The following USP54 variants were observed in gnomAD, a reference collection of about 807,000 sequenced individuals.
USP54 encodes the protein ubiquitin carboxyl-terminal hydrolase 54.
USP54 carries 87 observed loss-of-function variants against 170.5 expected under a neutral mutation model. That is an observed-to-expected ratio of 0.51 (90% confidence interval 0.43 to 0.61). The LOEUF (loss-of-function observed/expected upper bound fraction) is 0.61. Ranked by LOEUF, USP54 falls within the 20% of genes least tolerant of loss-of-function variation. The pLI, the probability that USP54 is intolerant of heterozygous loss-of-function variation, is 0.00. For synonymous variants in USP54, 655 were observed against 742.8 expected (o/e 0.88, Z 1.92); for missense variants, 1,786 against 2,047.8 (o/e 0.87, Z 2.47).
chr10:73,598,283 T>C (rs757701191), intron 1 of USP54, among the ~76,000 whole-genome samples: 3 of 152,108 alleles, frequency 2.0e-5, no homozygotes, highest in Non-Finnish European at 4.4e-5. Context: ...ATATCCCCCA[T>C]ATGCAAGAGA....
chr10:73,542,920 C>T, intron 6 of USP54, 35 bp from the exon 7 acceptor site: 1 of 1,613,332 alleles, frequency 6.2e-7, no homozygotes, highest in East Asian at 2.2e-5. Flanking sequence ...ACCAAGCAAC[C>T]ATAATCAGGA....
intron 4 of USP54, among the ~76,000 whole-genome samples, chr10:73,564,901 C>T (rs1455084504): frequency 1.5e-5 from 1 of 66,460 alleles, no homozygotes. Context: ...TCATCTCTAC[C>T]AAAAAAAAAA....
At chr10:73,563,928 T>A (rs1479422859) in intron 4 of USP54, among the ~76,000 whole-genome samples, 1 of 152,164 alleles carries the variant, frequency 6.6e-6, no homozygotes. Flanking sequence ...TTTTTTTTCA[T>A]GTCTTATTTA....
At chr10:73,568,077 C>T (rs1019287615) in intron 4 of USP54, among the ~76,000 whole-genome samples, 1 of 151,984 alleles carries the variant, frequency 6.6e-6, no homozygotes, top group South Asian at 2.1e-4. Context: ...CCATGTCCCA[C>T]TAATTTTTTT....
At chr10:73,531,620 G>A (rs969111467) in intron 12 of USP54, among the ~76,000 whole-genome samples, 6 of 152,118 alleles carry the variant, frequency 3.9e-5, no homozygotes, top group African/African-American at 1.4e-4. Context: ...ATTTTATATG[G>A]CTTTAAGACC....
intron 1 of USP54, among the ~76,000 whole-genome samples, chr10:73,608,274 CA>C (rs554694651): frequency 1.7e-4 from 25 of 148,984 alleles, no homozygotes; most frequent in Non-Finnish European, 3.3e-4. Flanking sequence ...ACAAAAAAAA[CA>C]AAAAAAAACA....
Position 73,542,880 on chromosome 10 carries a change from T to C in USP54, c.495A>G (p.Val165=). 6.2e-7 allele frequency: 1 copy of C among 1,614,034 alleles called. No homozygotes were observed. Residue 165 remains valine (V), a synonymous_variant, in exon 7 of 24, where the codon GTA becomes GTG. Transcript: ENST00000687698. ...CAGAAGTGGCACCACAGCTAGTACA[T>C]ACACACTGGGCAAAAGAGAAAAAGG... ...KFAMTLFEQC[V]CTSCGATSDP...
chr10:73,574,494 G>A (rs886259345), intron 3 of USP54, among the ~76,000 whole-genome samples: 2 of 152,114 alleles, frequency 1.3e-5, no homozygotes, highest in Admixed American at 6.6e-5. Context: ...CCCGAAAGGA[G>A]AAACAGAAAA....
At chr10:73,613,443 C>T (rs988966743) in intron 1 of USP54, among the ~76,000 whole-genome samples, 2 of 149,286 alleles carry the variant, frequency 1.3e-5, no homozygotes, top group African/African-American at 4.9e-5. Flanking sequence ...CGGCCTACCA[C>T]CATTTTTTTT....
At chr10:73,612,885 G>A (rs893363568) in intron 1 of USP54, among the ~76,000 whole-genome samples, 3 of 151,438 alleles carry the variant, frequency 2.0e-5, no homozygotes, top group African/African-American at 7.3e-5. Context: ...GCTGGGCGTG[G>A]TGGCACACAC....
At chr10:73,539,264 G>C (rs2065995843) in intron 10 of USP54, among the ~76,000 whole-genome samples, 180 bp downstream of exon 10, 2 of 138,152 alleles carry the variant, frequency 1.4e-5, no homozygotes, top group Admixed American at 7.6e-5. Flanking sequence ...GGGTGACAGA[G>C]TGAGACTCCA....
chr10:73,545,447 A>G, intron 5 of USP54, 91 bp downstream of exon 5: 1 of 1,521,968 alleles, frequency 6.6e-7, no homozygotes, highest in South Asian at 1.2e-5. Flanking sequence ...AGATAAGGGC[A>G]CAGCAAATTC....
chr10:73,608,589 G>A (rs1184015266), intron 1 of USP54, among the ~76,000 whole-genome samples: 1 of 152,098 alleles, frequency 6.6e-6, no homozygotes, highest in Non-Finnish European at 1.5e-5. Context: ...TAAGGGAAGT[G>A]AGGTTCAAAA....
In USP54 at chr10:73,543,135, A is replaced by C. The variant is rs757171686; in HGVS notation, c.376-4T>G. 1 of 1,599,496 alleles carries C rather than the reference A, an allele frequency of 6.3e-7. No homozygotes were observed. ...GAATTCTCATCAGGAGGTTTTCCTG[A>C]CAGGGAAAGAACAAAAGCAGTATAC... On this transcript the variant is annotated splice_polypyrimidine_tract_variant and splice_region_variant and intron_variant, in intron 5 of 23. Coordinates refer to ENST00000687698, the MANE Select transcript of USP54 (RefSeq NM_001391956.1).
chr10:73,514,663 C>A (rs906329577), intron 20 of USP54, among the ~76,000 whole-genome samples: 2 of 152,122 alleles, frequency 1.3e-5, no homozygotes, highest in African/African-American at 2.4e-5. Context: ...CTTCCCATAT[C>A]AACCAGTCCT....
rs533740647 is a variant in USP54, at chr10:73,546,857, A to T, written c.241-1185T>A. Among the ~76,000 whole-genome samples, 9 of 152,290 alleles carry T rather than the reference A, an allele frequency of 5.9e-5. No individual in the cohort carries two copies. The South Asian group carries it at 6.2e-4, about 11-fold the overall frequency. On this transcript the variant is annotated intron_variant, in intron 4 of 23. Transcript: ENST00000687698. ...GCTGTCTCCAATTTTTTGCTATTAC[A>T]AAGACACAATGCCAACTTATACTTC...
intron 4 of USP54, among the ~76,000 whole-genome samples, chr10:73,565,990 G>A (rs1222892004): frequency 1.3e-5 from 2 of 152,114 alleles, no homozygotes; most frequent in Admixed American, 1.3e-4. Context: ...TAGCATTTTG[G>A]GAGGCCAAGG....
At chr10:73,528,448 G>T (rs2063354374) in intron 15 of USP54, among the ~76,000 whole-genome samples, 1 of 151,502 alleles carries the variant, frequency 6.6e-6, no homozygotes, top group South Asian at 2.1e-4. Flanking sequence ...AGTAGAGACG[G>T]GGTTTCACCA....
intron 21 of USP54, 118 bp from the exon 22 acceptor site, chr10:73,505,108 T>C (rs2058875381): frequency 7.8e-6 from 11 of 1,414,840 alleles, no homozygotes; most frequent in Non-Finnish European, 1.1e-5. Context: ...AATAGACACC[T>C]GAATTAGATG....
Sources: gnomAD v4.1 joint callset for allele counts (sites outside exome capture counted in the v4.1 genomes callset) on GRCh38, gnomAD v4.1.1 for gene constraint, MANE v1.5 for transcripts, NCBI Gene and HGNC (gene_info 2026-07-23, HGNC 2026-07-21) for gene names.